DCSTAMP: variants seen among roughly 807,000 people sequenced by gnomAD.
DCSTAMP encodes the protein dendritic cell-specific transmembrane protein.
A neutral mutation model predicts 33.8 loss-of-function variants in DCSTAMP; 25 were observed. The ratio of observed to expected loss-of-function variants is 0.74; its 90% confidence interval spans 0.54 to 1.03. The LOEUF (loss-of-function observed/expected upper bound fraction) is 1.03, where lower values mean the gene tolerates loss of function less well. Among genes scored for constraint, DCSTAMP ranks in the 50% least tolerant of loss-of-function variants. The pLI is 0.00. For synonymous variants in DCSTAMP, 245 were observed against 216.7 expected (o/e 1.13, Z -1.15); for missense variants, 531 against 556.8 (o/e 0.95, Z 0.47).
Position 104,349,019 on chromosome 8 carries a change from C to A in DCSTAMP, c.467C>A (p.Thr156Asn). 4 of 1,614,258 alleles carry A rather than the reference C, an allele frequency of 2.5e-6. No homozygotes were observed. Among genetic ancestry groups the A allele is most frequent in the Non-Finnish European group, 3.4e-6 (4 of 1,180,050 alleles). The change falls in exon 2 of 4, where the codon ACT becomes AAT. Residue 156 changes from threonine (T) to asparagine (N), a missense_variant. By Grantham distance (65) the Thr-to-Asn change is moderately conservative (BLOSUM62 0). Coordinates refer to ENST00000297581, the MANE Select transcript of DCSTAMP (RefSeq NM_030788.4). Reference protein sequence around the residue: ...EAIQWIYGLATPLSVFDDLVS... With the variant: ...EAIQWIYGLANPLSVFDDLVS... ...ATTCAGTGGATTTATGGCCTTGCCA[C>A]TCCACTAAGTGTATTTGATGACCTT...
At position 104,349,508 on chromosome 8, in the gene DCSTAMP, G is replaced by C; in HGVS notation, c.956G>C (p.Arg319Pro). 1 of 1,614,026 alleles carries C rather than the reference G, an allele frequency of 6.2e-7. No individual in the cohort carries two copies. The highest frequency in any genetic ancestry group is 1.1e-5 in the South Asian group (1 of 91,060). ...LFAAVDYLLY[R>P]LIFSVSKQFQ... ...GCAGCTGTAGATTATCTGCTGTATC[G>C]GCTCATTTTCTCAGTGAGCAAGCAG... is the stretch of plus-strand genomic sequence containing the variant. The change falls in exon 2 of 4, where the codon CGG (arginine) becomes CCG (proline). Residue 319 changes from arginine to proline, a missense_variant. Transcript: ENST00000297581.
chr8:104,349,649 G>A, intron 2 of DCSTAMP, 68 bp downstream of exon 2: 1 of 1,525,932 alleles, frequency 6.6e-7, no homozygotes, highest in African/African-American at 1.4e-5. Flanking sequence ...AAAAGATCAT[G>A]AACCTCCCGA....
intron 1 of DCSTAMP, among the ~76,000 whole-genome samples, chr8:104,341,453 TG>T (rs1564062581): frequency 6.6e-6 from 1 of 152,244 alleles, no homozygotes; most frequent in Non-Finnish European, 1.5e-5. Flanking sequence ...CTGTGAGCCC[TG>T]TGCCCTCCAT....
intron 1 of DCSTAMP, among the ~76,000 whole-genome samples, chr8:104,348,260 G>C (rs1026622674): frequency 6.6e-6 from 1 of 152,310 alleles, no homozygotes. Flanking sequence ...AGAGCACGTG[G>C]AGCGAGTCCC....
At chr8:104,346,161 G>A (rs750545367) in intron 1 of DCSTAMP, among the ~76,000 whole-genome samples, 5 of 152,264 alleles carry the variant, frequency 3.3e-5, no homozygotes, top group Non-Finnish European at 7.3e-5. Context: ...AGCATCTGCA[G>A]GCTTGGGGCA....
At chr8:104,342,204 A>T (rs948287768) in intron 1 of DCSTAMP, among the ~76,000 whole-genome samples, 2 of 152,176 alleles carry the variant, frequency 1.3e-5, no homozygotes, top group African/African-American at 4.8e-5. Flanking sequence ...GTCTCCAGGG[A>T]TAAAAGGGGA....
At position 104,345,566 on chromosome 8, in the gene DCSTAMP, G is replaced by A. The variant is rs188116681; in HGVS notation, c.-12-2975G>A. 2.4e-4 allele frequency among the ~76,000 whole-genome samples: 36 copies of A among 152,272 alleles called. 1 individual carries two copies. The highest frequency in any genetic ancestry group is 2.1e-3 in the Admixed American group (32 of 15,298). ...CTTCTTACAGGACAAAATTGCAGTCGTATATCTTCTTTAATTGATACTAGA... is the reference window on the plus strand; with the variant it reads ...CTTCTTACAGGACAAAATTGCAGTCATATATCTTCTTTAATTGATACTAGA... On this transcript the variant is annotated intron_variant, in intron 1 of 3. Transcript: ENST00000297581.
At chr8:104,342,037 GA>G (rs973439035) in intron 1 of DCSTAMP, among the ~76,000 whole-genome samples, 2 of 152,110 alleles carry the variant, frequency 1.3e-5, no homozygotes, top group African/African-American at 4.8e-5. Context: ...GATGCTGCCA[GA>G]AAAAAACGAT....
Position 104,348,825 on chromosome 8 carries a change from G to A in DCSTAMP, c.273G>A (p.Leu91=), listed in dbSNP as rs759686664. ...TTCTTGTCTTTCTCTCTTGTGGCCTGCGTGAAGGCAGGAATGCTTTGATTG... is the reference window on the plus strand; with the variant it reads ...TTCTTGTCTTTCTCTCTTGTGGCCTACGTGAAGGCAGGAATGCTTTGATTG... ...FILLVFLSCG[L]REGRNALIAA... is the part of the protein sequence containing the mutation. The change falls in exon 2 of 4, where the codon CTG becomes CTA. Residue 91 remains leucine (L), a synonymous_variant. Transcript: ENST00000297581. The A allele has an allele frequency of 1.2e-4, 193 of 1,614,058 alleles. No homozygotes were observed. The highest frequency in any genetic ancestry group is 4.3e-4 in the Admixed American group (26 of 60,010).
At position 104,349,572 on chromosome 8, in the gene DCSTAMP, G is replaced by C; in HGVS notation, c.1020G>C (p.Leu340=). The C allele has an allele frequency of 1.2e-6, 2 of 1,610,546 alleles. No homozygotes were observed. The highest frequency in any genetic ancestry group is 1.7e-6 in the Non-Finnish European group (2 of 1,178,806). ...SLPGFEVHLK[L]HGEKQGTQDI... ...CAGGGTTTGAGGTTCACTTGAAACT[G>C]CACGGAGAGGTAGGGCCCACAGGTA... Residue 340 remains leucine, a synonymous_variant, in exon 2 of 4, where the codon CTG becomes CTC. Transcript: ENST00000297581.
intron 1 of DCSTAMP, among the ~76,000 whole-genome samples, chr8:104,346,407 T>C (rs945287926): frequency 6.6e-6 from 1 of 152,212 alleles, no homozygotes; most frequent in Non-Finnish European, 1.5e-5. Flanking sequence ...ACTCGGTCTG[T>C]AATGCCAGGG....
intron 2 of DCSTAMP, among the ~76,000 whole-genome samples, chr8:104,353,351 C>T (rs898758141): frequency 6.6e-6 from 1 of 152,184 alleles, no homozygotes; most frequent in Admixed American, 6.5e-5. Flanking sequence ...CTCAACCAAC[C>T]CCACACCAAA....
At chr8:104,356,017 T>C (rs1810616991) in intron 3 of DCSTAMP, 107 bp from the exon 4 acceptor site, 7 of 951,364 alleles carry the variant, frequency 7.4e-6, no homozygotes, top group Middle Eastern at 2.3e-4. Flanking sequence ...TTCAGTCTTT[T>C]GCTGTTTTTC....
chr8:104,346,856 G>T (rs1301028974), intron 1 of DCSTAMP, among the ~76,000 whole-genome samples: 1 of 152,184 alleles, frequency 6.6e-6, no homozygotes, highest in Non-Finnish European at 1.5e-5. Flanking sequence ...ACCTCTGGTT[G>T]CTCAGTTCAC....
At position 104,356,274 on chromosome 8, in the gene DCSTAMP, C is replaced by A; in HGVS notation, c.*76C>A. ...CTAGGATGGCAGTCACTATTCATGC[C>A]GGATAATAGAGAACTATGTGACGCA... On this transcript the variant is annotated 3_prime_UTR_variant, in exon 4 of 4. Transcript: ENST00000297581. 7.0e-7 allele frequency: 1 copy of A among 1,423,108 alleles called. No homozygotes were observed. Among genetic ancestry groups the A allele is most frequent in the South Asian group, 1.3e-5 (1 of 75,952 alleles). 88.2% of individuals were successfully genotyped at this position (1,423,108 alleles called of 1,614,324 possible). A position where few individuals can be genotyped will look rare whatever the true frequency, so the allele number is the denominator to read the frequency against.
chr8:104,355,001 T>C lies in DCSTAMP; in HGVS notation c.1154T>C (p.Leu385Ser). The C allele has an allele frequency of 6.2e-7, 1 of 1,614,164 alleles. No homozygotes were observed. The highest frequency in any genetic ancestry group is 2.2e-5 in the East Asian group (1 of 44,886). ...TGGGTTCCTCTCAGTGTTATTCTTT[T>C]GATATTAGTGATGCTGGGACTGTTG... ...ETWVPLSVIL[L>S]ILVMLGLLSS... Residue 385 changes from leucine to serine, a missense_variant, in exon 3 of 4, where the codon TTG becomes TCG. Leu to Ser is a moderately radical substitution (Grantham distance 145, BLOSUM62 -2). Transcript: ENST00000297581.
rs766098559 is a variant in DCSTAMP, at chr8:104,349,169, T to G, written c.617T>G (p.Val206Gly). ...TACCAGATGGCAACAACCACAGAGGTGTTGTCCTCCCTGGGTCAGAAGCTA... is the reference window on the plus strand; with the variant it reads ...TACCAGATGGCAACAACCACAGAGGGGTTGTCCTCCCTGGGTCAGAAGCTA... Reference protein sequence around the residue: ...VLYQMATTTEVLSSLGQKLLA... With the variant: ...VLYQMATTTEGLSSLGQKLLA... The change falls in exon 2 of 4, where the codon GTG becomes GGG. Residue 206 changes from valine (V) to glycine (G), a missense_variant. Physicochemically the swap from Val to Gly is moderately radical, Grantham distance 109. Transcript: ENST00000297581. The G allele has an allele frequency of 3.7e-6, 6 of 1,614,122 alleles. No individual in the cohort carries two copies. In the Admixed American group the frequency reaches 1.0e-4, roughly 27 times the overall value.
At chr8:104,346,946 A>G (rs986990507) in intron 1 of DCSTAMP, among the ~76,000 whole-genome samples, 1 of 152,268 alleles carries the variant, frequency 6.6e-6, no homozygotes, top group African/African-American at 2.4e-5. Flanking sequence ...TACTCCGTAA[A>G]TTCAGACCCA....
At chr8:104,347,898 A>T (rs1295320517) in intron 1 of DCSTAMP, among the ~76,000 whole-genome samples, 3 of 152,202 alleles carry the variant, frequency 2.0e-5, no homozygotes, top group African/African-American at 7.2e-5. Flanking sequence ...GGGTGGGCCC[A>T]GCGTATTCAC....
Sources: gnomAD v4.1 joint callset for allele counts (sites outside exome capture counted in the v4.1 genomes callset) on GRCh38, gnomAD v4.1.1 for gene constraint, MANE v1.5 for transcripts, NCBI Gene and HGNC (gene_info 2026-07-23, HGNC 2026-07-21) for gene names.